Variants in HSD17B4 observed in about 807,000 individuals in gnomAD.
The protein encoded by HSD17B4 is hydroxysteroid 17-beta dehydrogenase 4.
In HSD17B4, 70 loss-of-function variants were observed where a neutral mutation model predicts 101.0. The ratio of observed to expected loss-of-function variants is 0.69; its 90% CI spans 0.57 to 0.85. The LOEUF is 0.85. Ranked by LOEUF, HSD17B4 falls within the 40% of genes least tolerant of loss-of-function variation. The pLI is 0.00. For synonymous variants in HSD17B4, 347 were observed against 297.1 expected, an observed-to-expected ratio of 1.17 and a Z score of -1.73; for missense variants, 984 against 892.4, an observed-to-expected ratio of 1.10 and a Z score of -1.31.
chr5:119,462,248 A>ATTTTTGT (rs1755319199), intron 2 of HSD17B4, among the ~76,000 whole-genome samples: 1 of 30,010 alleles, frequency 3.3e-5, no homozygotes, highest in Non-Finnish European at 7.9e-5. Flanking sequence ...AACAAATGTG[A>ATTTTTGT]TTTTTTTTTT....
chr5:119,452,905 G>A lies in HSD17B4; in HGVS notation c.58+272G>A. ...GAGAGGCCAGGCTGGGCTGCTGATTGCAAAACTGGGTGAAAGTTCTCCCTG... is the reference window on the plus strand; with the variant it reads ...GAGAGGCCAGGCTGGGCTGCTGATTACAAAACTGGGTGAAAGTTCTCCCTG... On this transcript the variant is annotated intron_variant, in intron 1 of 23. Transcript: ENST00000510025. The A allele has an allele frequency of 9.5e-6, 14 of 1,476,284 alleles. No individual in the cohort carries two copies. The South Asian group carries it at 1.7e-4, about 18-fold the overall frequency. The allele number at this position is 1,476,284 out of a possible 1,614,324, so 91.4% of individuals were successfully genotyped here. A position where few individuals can be genotyped will look rare whatever the true frequency, so the allele number is the denominator to read the frequency against.
intron 8 of HSD17B4, among the ~76,000 whole-genome samples, chr5:119,480,808 A>C (rs1749056023): frequency 1.3e-5 from 2 of 152,188 alleles, no homozygotes; most frequent in Non-Finnish European, 2.9e-5. Context: ...CGGGGGGGCC[A>C]GTTCAGAGAC....
At chr5:119,491,231 C>A (rs111732676) in intron 9 of HSD17B4, among the ~76,000 whole-genome samples, 74 of 152,210 alleles carry the variant, frequency 4.9e-4, no homozygotes, top group Non-Finnish European at 7.4e-4. Context: ...GCTGATTTGT[C>A]TAGTGTAACT....
At chr5:119,465,692 G>C (rs976770584) in intron 2 of HSD17B4, among the ~76,000 whole-genome samples, 1 of 152,166 alleles carries the variant, frequency 6.6e-6, no homozygotes, top group Non-Finnish European at 1.5e-5. Context: ...CAACTTTACT[G>C]TATTCATTTA....
chr5:119,473,380 A>G (rs1046681972), intron 2 of HSD17B4, among the ~76,000 whole-genome samples: 4 of 127,480 alleles, frequency 3.1e-5, no homozygotes, highest in Non-Finnish European at 4.6e-5. Flanking sequence ...GTGCAGTGGC[A>G]TGATCATAGC....
intron 8 of HSD17B4, among the ~76,000 whole-genome samples, chr5:119,484,714 A>T (rs1370150355): frequency 6.6e-6 from 1 of 152,180 alleles, no homozygotes; most frequent in Admixed American, 6.6e-5. Flanking sequence ...ATTTGAACTA[A>T]CATTCATTTT....
At chr5:119,467,617 AAAC>A (rs1266083966) in intron 2 of HSD17B4, among the ~76,000 whole-genome samples, 2 of 152,190 alleles carry the variant, frequency 1.3e-5, no homozygotes, top group Admixed American at 1.3e-4. Context: ...GTTGACTCTT[AAAC>A]AACATAGGTT....
intron 2 of HSD17B4, among the ~76,000 whole-genome samples, chr5:119,459,331 G>A (rs1034371664): frequency 6.6e-5 from 10 of 152,180 alleles, no homozygotes; most frequent in Admixed American, 5.9e-4. Flanking sequence ...AAAGACTTTC[G>A]GAAAGGGAAG....
At chr5:119,533,473 T>C (rs1754287466) in intron 22 of HSD17B4, among the ~76,000 whole-genome samples, 1 of 152,064 alleles carries the variant, frequency 6.6e-6, no homozygotes, top group Non-Finnish European at 1.5e-5. Context: ...TTGAATTGGC[T>C]AACTTAGCTA....
intron 14 of HSD17B4, among the ~76,000 whole-genome samples, chr5:119,503,881 C>A (rs1384739701): frequency 6.6e-6 from 1 of 151,790 alleles, no homozygotes; most frequent in Non-Finnish European, 1.5e-5. Flanking sequence ...ATGAATGATC[C>A]CATCACTCAG....
Position 119,525,903 on chromosome 5 carries a change from C to G in HSD17B4, c.1574-14C>G. The G allele has an allele frequency of 2.7e-6, 4 of 1,467,950 alleles. No homozygotes were observed. The highest frequency in any genetic ancestry group is 1.1e-5 in the South Asian group (1 of 88,338). The allele number at this position is 1,467,950 out of a possible 1,614,324, so 90.9% of individuals were successfully genotyped here. A position where few individuals can be genotyped will look rare whatever the true frequency, so the allele number is the denominator to read the frequency against. On this transcript the variant is annotated splice_polypyrimidine_tract_variant and intron_variant, in intron 18 of 23. Coordinates refer to ENST00000510025, the MANE Select transcript of HSD17B4 (RefSeq NM_000414.4). ...AGGTACCTGTATCTAACTCAGTGTT[C>G]TCTCTTTTCCTAGGTTTTGACAAGC...
chr5:119,453,075 G>A (rs1253301541), intron 1 of HSD17B4, among the ~76,000 whole-genome samples: 1 of 152,244 alleles, frequency 6.6e-6, no homozygotes, highest in East Asian at 1.9e-4. Context: ...CTCCTGAAAA[G>A]TCATTCGGTC....
chr5:119,526,415 A>G (rs1024326898), intron 19 of HSD17B4, among the ~76,000 whole-genome samples: 2 of 151,940 alleles, frequency 1.3e-5, no homozygotes, highest in African/African-American at 2.4e-5. Flanking sequence ...ATCTACAGCA[A>G]TATAATGACT....
At chr5:119,481,995 AT>A (rs1371956977) in intron 8 of HSD17B4, among the ~76,000 whole-genome samples, 3 of 151,204 alleles carry the variant, frequency 2.0e-5, no homozygotes, top group Non-Finnish European at 3.0e-5. Context: ...TTAGGTGGAG[AT>A]TTTTGATATT....
intron 2 of HSD17B4, among the ~76,000 whole-genome samples, chr5:119,462,396 A>G (rs1755351120): frequency 6.6e-6 from 1 of 150,592 alleles, no homozygotes. Flanking sequence ...GCCGTTTCTT[A>G]TAGACTTAGG....
Position 119,499,379 on chromosome 5 carries a change from T to C in HSD17B4, c.1035T>C (p.Ile345=). Reference sequence around the variant, plus strand: ...ATGCTTATACGGAACTGGAAGCTATTATGTATGCCCTTGGAGTGGGAGCGT... The same window carrying C: ...ATGCTTATACGGAACTGGAAGCTATCATGTATGCCCTTGGAGTGGGAGCGT... ...FSYAYTELEA[I]MYALGVGASI... Residue 345 remains isoleucine (I), a synonymous_variant, in exon 13 of 24, where the codon ATT becomes ATC. Coordinates refer to ENST00000510025, the MANE Select transcript of HSD17B4 (RefSeq NM_000414.4). The C allele has an allele frequency of 6.2e-7, 1 of 1,613,984 alleles. No homozygotes were observed. The highest frequency in any genetic ancestry group is 8.5e-7 in the Non-Finnish European group (1 of 1,179,896).
chr5:119,476,688 A>C lies in HSD17B4; in HGVS notation c.350-729A>C, dbSNP rs3756512. On this transcript the variant is annotated intron_variant, in intron 6 of 23. Coordinates refer to ENST00000510025, the MANE Select transcript of HSD17B4 (RefSeq NM_000414.4). Reference sequence around the variant, plus strand: ...TAGGATTTGCTGGCAAAGGGGGCCTATGTTGGTGCTTTTCTTGGTGCTGCA... The same window carrying C: ...TAGGATTTGCTGGCAAAGGGGGCCTCTGTTGGTGCTTTTCTTGGTGCTGCA... 0.025 allele frequency: 24,747 copies of C among 985,414 alleles called. 2,182 individuals carry two copies. In the East Asian group the frequency reaches 0.42, roughly 17 times the overall value. 61.0% of individuals were successfully genotyped at this position (985,414 alleles called of 1,614,324 possible). A position where few individuals can be genotyped will look rare whatever the true frequency, so the allele number is the denominator to read the frequency against.
At chr5:119,496,697 C>T (rs1443026792) in intron 12 of HSD17B4, 51 bp downstream of exon 12, 2 of 922,568 alleles carry the variant, frequency 2.2e-6, no homozygotes, top group South Asian at 2.6e-5. Flanking sequence ...GACTTTCCCT[C>T]CCTTCTTCCC....
At chr5:119,488,734 C>T (rs1749828016) in intron 8 of HSD17B4, among the ~76,000 whole-genome samples, 1 of 152,044 alleles carries the variant, frequency 6.6e-6, no homozygotes, top group African/African-American at 2.4e-5. Context: ...ATCTGCCTAC[C>T]CTGGTGGTCT....
Sources: gnomAD v4.1 joint callset for allele counts (sites outside exome capture counted in the v4.1 genomes callset) on GRCh38, gnomAD v4.1.1 for gene constraint, MANE v1.5 for transcripts, NCBI Gene and HGNC (gene_info 2026-07-23, HGNC 2026-07-21) for gene names.